Variants in MAP3K7CL observed in about 807,000 individuals in gnomAD.
MAP3K7CL encodes MAP3K7 C-terminal-like protein.
Under a neutral mutation model 18.6 loss-of-function variants are expected in MAP3K7CL, and 16 were observed. The ratio of observed to expected loss-of-function variants is 0.86; its 90% CI spans 0.58 to 1.31. The LOEUF is 1.31. Ranked by LOEUF, MAP3K7CL falls within the 50% of genes most tolerant of loss-of-function variation. The pLI is 0.00. For synonymous variants in MAP3K7CL, 65 were observed against 66.8 expected (o/e 0.97, Z 0.13); for missense variants, 163 against 174.4 (o/e 0.93, Z 0.37).
At chr21:29,086,842 G>T (rs1269096091) in intron 1 of MAP3K7CL, among the ~76,000 whole-genome samples, 1 of 152,182 alleles carries the variant, frequency 6.6e-6, no homozygotes, top group Admixed American at 6.5e-5. Context: ...TATCAACAAT[G>T]ATTATGATGA....
At chr21:29,099,028 C>T (rs1372439110) in intron 4 of MAP3K7CL, among the ~76,000 whole-genome samples, 5 of 152,106 alleles carry the variant, frequency 3.3e-5, no homozygotes, top group South Asian at 4.1e-4. Flanking sequence ...TGCTCTTCCA[C>T]GGTTTAGGGC....
At chr21:29,113,902 C>T (rs930985009) in intron 4 of MAP3K7CL, among the ~76,000 whole-genome samples, 7 of 151,972 alleles carry the variant, frequency 4.6e-5, no homozygotes, top group African/African-American at 1.7e-4. Flanking sequence ...CTGCACTGGG[C>T]GAGGGCATTT....
intron 1 of MAP3K7CL, among the ~76,000 whole-genome samples, chr21:29,078,459 C>CA (rs1176321716): frequency 6.6e-6 from 1 of 152,168 alleles, no homozygotes; most frequent in East Asian, 1.9e-4. Flanking sequence ...GGCTGGAATT[C>CA]AGAGTCTCGC....
At chr21:29,105,785 G>A (rs2086310644) in intron 4 of MAP3K7CL, among the ~76,000 whole-genome samples, 1 of 152,152 alleles carries the variant, frequency 6.6e-6, no homozygotes, top group South Asian at 2.1e-4. Context: ...CACATTGTAT[G>A]GGACTAAGGT....
chr21:29,083,171 C>A (rs568224349), upstream of MAP3K7CL, among the ~76,000 whole-genome samples: 2 of 152,194 alleles, frequency 1.3e-5, no homozygotes, highest in East Asian at 3.8e-4. Context: ...TGGCCTTACT[C>A]TATTACACAG....
intron 4 of MAP3K7CL, among the ~76,000 whole-genome samples, chr21:29,119,318 T>A (rs1419021237): frequency 6.6e-6 from 1 of 152,262 alleles, no homozygotes; most frequent in Non-Finnish European, 1.5e-5. Context: ...TTTGCTTGCC[T>A]TTTTATTCCA....
At chr21:29,171,945 T>C (rs1178797045) in intron 4 of MAP3K7CL, among the ~76,000 whole-genome samples, 1 of 151,798 alleles carries the variant, frequency 6.6e-6, no homozygotes, top group Non-Finnish European at 1.5e-5. Flanking sequence ...CACACACATA[T>C]ACATATATAC....
At chr21:29,100,775 C>G (rs572745112) in intron 4 of MAP3K7CL, among the ~76,000 whole-genome samples, 1 of 133,904 alleles carries the variant, frequency 7.5e-6, no homozygotes, top group Non-Finnish European at 1.5e-5. Context: ...TGCAATGGCA[C>G]GATCTCGGCT....
At chr21:29,164,379 G>A (rs914012443) in intron 4 of MAP3K7CL, among the ~76,000 whole-genome samples, 2 of 152,188 alleles carry the variant, frequency 1.3e-5, no homozygotes, top group South Asian at 2.1e-4. Context: ...TTCATAAAGT[G>A]TAGCTGATTA....
intron 3 of MAP3K7CL, among the ~76,000 whole-genome samples, chr21:29,159,662 G>A (rs1009872765): frequency 1.5e-4 from 23 of 152,140 alleles, no homozygotes; most frequent in African/African-American, 5.1e-4. Flanking sequence ...CACAAGGCAG[G>A]TAACTGACAT....
intron 4 of MAP3K7CL, among the ~76,000 whole-genome samples, chr21:29,174,389 G>T: frequency 6.6e-6 from 1 of 152,218 alleles, no homozygotes; most frequent in Admixed American, 6.5e-5. Flanking sequence ...CTTAAATTAT[G>T]AAAAATTTTA....
chr21:29,087,826 C>T (rs2085953883), intron 1 of MAP3K7CL, among the ~76,000 whole-genome samples: 1 of 151,974 alleles, frequency 6.6e-6, no homozygotes, highest in Admixed American at 6.6e-5. Context: ...ATCTCCTGAC[C>T]TCGTGATCCG....
chr21:29,163,956 C>A (rs905203095), intron 4 of MAP3K7CL, among the ~76,000 whole-genome samples: 2 of 151,864 alleles, frequency 1.3e-5, no homozygotes, highest in Non-Finnish European at 2.9e-5. Context: ...CGTCAGCCGC[C>A]CAAAGTGCTG....
intron 4 of MAP3K7CL, among the ~76,000 whole-genome samples, chr21:29,105,449 CTTAG>C (rs1480594813): frequency 2.6e-5 from 4 of 152,152 alleles, no homozygotes; most frequent in African/African-American, 7.2e-5. Context: ...GAGCTTCCTG[CTTAG>C]TTATCCAGTT....
At chr21:29,124,621 G>A (rs1207569177) in intron 4 of MAP3K7CL, among the ~76,000 whole-genome samples, 1 of 152,182 alleles carries the variant, frequency 6.6e-6, no homozygotes, top group African/African-American at 2.4e-5. Flanking sequence ...AAAACTCTGA[G>A]GATCAGGTAA....
Position 29,166,339 on chromosome 21 carries a change from C to A in MAP3K7CL, c.248+6283C>A, listed in dbSNP as rs567789868. 8.5e-5 allele frequency among the ~76,000 whole-genome samples: 13 copies of A among 152,310 alleles called. No homozygotes were observed. In the South Asian group the frequency reaches 2.7e-3, roughly 32 times the overall value. The stretch of plus-strand genomic sequence containing the variant: ...CATGTTGTTGCAAATGACAGGATTT[C>A]ATTTTTTAAAATGGCTGAGTAGTAT... On this transcript the variant is annotated intron_variant, in intron 4 of 4. Coordinates refer to ENST00000399928, the MANE Select transcript of MAP3K7CL (RefSeq NM_001286620.2).
intron 4 of MAP3K7CL, among the ~76,000 whole-genome samples, chr21:29,102,085 C>T (rs185772152): frequency 1.6e-4 from 25 of 152,352 alleles, no homozygotes; most frequent in Admixed American, 1.0e-3. Flanking sequence ...ATCAACATCC[C>T]AGGGGCACTG....
At chr21:29,077,299 G>A (rs2085765247), upstream of MAP3K7CL, among the ~76,000 whole-genome samples, 1 of 152,260 alleles carries the variant, frequency 6.6e-6, no homozygotes, top group African/African-American at 2.4e-5. Context: ...CCCTAGCCCT[G>A]CCCTGCAGGA....
chr21:29,100,705 T>A (rs1422059169), intron 4 of MAP3K7CL, among the ~76,000 whole-genome samples: 13 of 117,782 alleles, frequency 1.1e-4, no homozygotes, highest in Admixed American at 1.1e-3. Flanking sequence ...GCAAACTTTT[T>A]TTTTTTTTTT....
Sources: gnomAD v4.1 joint callset for allele counts (sites outside exome capture counted in the v4.1 genomes callset) on GRCh38, gnomAD v4.1.1 for gene constraint, MANE v1.5 for transcripts, NCBI Gene and HGNC (gene_info 2026-07-23, HGNC 2026-07-21) for gene names.